Variants in SLC24A2 observed in about 807,000 individuals in gnomAD.
SLC24A2 encodes the protein solute carrier family 24 member 2, also known as sodium/potassium/calcium exchanger 2.
In SLC24A2, 36 loss-of-function variants were observed where a neutral mutation model predicts 62.0. The observed-to-expected ratio is 0.58, with a 90% confidence interval of 0.44 to 0.77. SLC24A2 has a LOEUF of 0.77. Ranked by LOEUF, SLC24A2 falls within the 30% of genes least tolerant of loss-of-function variation. SLC24A2 has a pLI of 0.00. For synonymous variants in SLC24A2, 358 were observed against 294.0 expected, an observed-to-expected ratio of 1.22 and a Z score of -2.23; for missense variants, 846 against 817.9, an observed-to-expected ratio of 1.03 and a Z score of -0.42.
the SLC24A2 span, among the ~76,000 whole-genome samples, chr9:19,805,511 T>C: frequency 2.0e-5 from 3 of 152,204 alleles, no homozygotes; most frequent in Admixed American, 2.0e-4. Flanking sequence ...TGGTTGATTC[T>C]GTTGGACTAT....
chr9:19,545,795 C>T (rs12377409), intron 8 of SLC24A2, among the ~76,000 whole-genome samples: 231 of 151,978 alleles, frequency 1.5e-3, no homozygotes, highest in African/African-American at 4.8e-3. Context: ...CCCACCACCA[C>T]GCCTGCCTAA....
chr9:19,950,787 A>G, the SLC24A2 span, among the ~76,000 whole-genome samples: 1 of 152,178 alleles, frequency 6.6e-6, no homozygotes, highest in African/African-American at 2.4e-5. Flanking sequence ...GGCTCAGACT[A>G]TGTTTCCTAA....
chr9:19,974,928 A>T, the SLC24A2 span, among the ~76,000 whole-genome samples: 73,502 of 152,036 alleles, frequency 0.48, 18,566 homozygotes, highest in Non-Finnish European at 0.56. Flanking sequence ...CAAATGTCAC[A>T]AACTCATATG....
the SLC24A2 span, among the ~76,000 whole-genome samples, chr9:19,991,510 T>C: frequency 6.6e-6 from 1 of 152,134 alleles, no homozygotes; most frequent in African/African-American, 2.4e-5. Context: ...GAACAATACT[T>C]TGCATCCTTC....
the SLC24A2 span, among the ~76,000 whole-genome samples, chr9:19,808,243 G>A: frequency 2.0e-5 from 3 of 152,268 alleles, no homozygotes; most frequent in East Asian, 5.8e-4. This position sits in a 1 kb window ranked among gnomAD's most constrained non-coding sequence, Gnocchi z 4.1. Flanking sequence ...TGACACAGAT[G>A]TACTTGAATT....
At chr9:19,994,192 G>A in the SLC24A2 span, among the ~76,000 whole-genome samples, 12 of 152,216 alleles carry the variant, frequency 7.9e-5, no homozygotes, top group East Asian at 1.9e-4. Context: ...AATCTCCTTC[G>A]TCAGGGAAAG....
At chr9:20,213,711 A>G in the SLC24A2 span, among the ~76,000 whole-genome samples, 10,752 of 152,302 alleles carry the variant, frequency 0.071, 477 homozygotes, top group Middle Eastern at 0.12. Flanking sequence ...AAAAAAATAG[A>G]TATTACCACA....
the SLC24A2 span, among the ~76,000 whole-genome samples, chr9:20,019,093 GAAAGAAAGAT>G: frequency 4.2e-3 from 168 of 39,840 alleles, 1 homozygote; most frequent in African/African-American, 0.02. Context: ...GAGAAAGAAA[GAAAGAAAGAT>G]AGAAAGAAAG....
intron 2 of SLC24A2, among the ~76,000 whole-genome samples, chr9:19,770,954 C>T (rs1251162152): frequency 6.6e-6 from 1 of 152,122 alleles, no homozygotes; most frequent in African/African-American, 2.4e-5. Flanking sequence ...ACAAGCTATT[C>T]AACTCCAGAA....
chr9:20,283,153 G>A, the SLC24A2 span, among the ~76,000 whole-genome samples: 1 of 152,158 alleles, frequency 6.6e-6, no homozygotes, highest in Non-Finnish European at 1.5e-5. Context: ...AATCGGATAG[G>A]TCGAAAAAAT....
the SLC24A2 span, among the ~76,000 whole-genome samples, chr9:20,216,480 C>A: frequency 6.6e-6 from 1 of 152,140 alleles, no homozygotes; most frequent in South Asian, 2.1e-4. Flanking sequence ...CTCTTACTGT[C>A]TTTATCAGAG....
the SLC24A2 span, among the ~76,000 whole-genome samples, chr9:20,088,074 C>A: frequency 2.0e-5 from 3 of 152,152 alleles, no homozygotes; most frequent in Non-Finnish European, 4.4e-5. Context: ...TCACATGGAA[C>A]CACAGGAGCT....
the SLC24A2 span, among the ~76,000 whole-genome samples, chr9:20,012,384 C>G: frequency 8.5e-5 from 13 of 152,252 alleles, no homozygotes; most frequent in African/African-American, 3.1e-4. Flanking sequence ...GAGAACAGCG[C>G]AGGAAAGACC....
the SLC24A2 span, among the ~76,000 whole-genome samples, chr9:20,076,859 A>G: frequency 3.6e-4 from 10 of 27,560 alleles, no homozygotes; most frequent in African/African-American, 1.1e-3. Flanking sequence ...TACATATCAT[A>G]TGTATATATA....
chr9:20,014,383 C>A, the SLC24A2 span, among the ~76,000 whole-genome samples: 159 of 151,818 alleles, frequency 1.0e-3, 1 homozygote, highest in African/African-American at 3.8e-3. Flanking sequence ...TGGGTATATA[C>A]CCAGAGGAAA....
chr9:19,625,572 C>T (rs891934776), intron 2 of SLC24A2, among the ~76,000 whole-genome samples: 16 of 152,130 alleles, frequency 1.1e-4, no homozygotes, highest in African/African-American at 3.9e-4. Flanking sequence ...TTAAACTGGC[C>T]CCCTTCTCAA....
the SLC24A2 span, among the ~76,000 whole-genome samples, chr9:20,306,687 A>C: frequency 2.0e-5 from 3 of 151,772 alleles, no homozygotes; most frequent in African/African-American, 7.3e-5. Context: ...CCTTAATGTT[A>C]TTTTCTTTTT....
intron 5 of SLC24A2, among the ~76,000 whole-genome samples, chr9:19,590,965 C>T (rs1163878346): frequency 6.6e-6 from 1 of 152,238 alleles, no homozygotes; most frequent in African/African-American, 2.4e-5. Flanking sequence ...CCTCCTTTAA[C>T]GTGTTCTTCA....
chr9:19,883,997 A>AGACTGAAGTGATCTCATC, the SLC24A2 span, among the ~76,000 whole-genome samples: 7 of 152,308 alleles, frequency 4.6e-5, no homozygotes, highest in East Asian at 1.3e-3. Flanking sequence ...ATCTCCTGCT[A>AGACTGAAGTGATCTCATC]GACTGAAGTG....
Sources: gnomAD v4.1 joint callset for allele counts (sites outside exome capture counted in the v4.1 genomes callset) on GRCh38, gnomAD v4.1.1 for gene constraint, Gnocchi (gnomAD v3.1) non-coding constraint, MANE v1.5 for transcripts, NCBI Gene and HGNC (gene_info 2026-07-23, HGNC 2026-07-21) for gene names.